MYCT1: variants seen among roughly 807,000 people sequenced by gnomAD.
MYCT1 encodes the protein MYC target 1, also known as myc target protein 1.
Under a neutral mutation model 15.0 loss-of-function variants are expected in MYCT1, and 12 were observed. That is an observed-to-expected ratio of 0.80 (90% confidence interval 0.51 to 1.29). The LOEUF is 1.29. MYCT1 is among the 50% of genes most tolerant of loss of function. The pLI, the probability that MYCT1 is intolerant of heterozygous loss-of-function variation, is 0.00. For synonymous variants in MYCT1, 104 were observed against 102.7 expected, an observed-to-expected ratio of 1.01 and a Z score of -0.07; for missense variants, 287 against 279.1, an observed-to-expected ratio of 1.03 and a Z score of -0.20.
the MYCT1 span, among the ~76,000 whole-genome samples, chr6:152,741,366 A>C: frequency 1.3e-5 from 2 of 152,136 alleles, no homozygotes; most frequent in Admixed American, 1.3e-4. Flanking sequence ...TTCAACATTA[A>C]GATTAAGTAA....
At chr6:152,731,922 T>C in the MYCT1 span, among the ~76,000 whole-genome samples, 1 of 152,124 alleles carries the variant, frequency 6.6e-6, no homozygotes, top group African/African-American at 2.4e-5. Context: ...CCAATTTTTA[T>C]ATTTTTTATA....
At chr6:152,717,040 T>C (rs902849873) in intron 1 of MYCT1, among the ~76,000 whole-genome samples, 5 of 152,184 alleles carry the variant, frequency 3.3e-5, no homozygotes, top group Non-Finnish European at 7.3e-5. Flanking sequence ...CCAAAATACA[T>C]TGTCAAAAGT....
chr6:152,735,070 A>G, the MYCT1 span, among the ~76,000 whole-genome samples: 5 of 152,228 alleles, frequency 3.3e-5, no homozygotes, highest in Admixed American at 6.5e-5. Context: ...TTTATCTCCA[A>G]TGTTTCTAAA....
At chr6:152,726,863 G>C (rs1565397405), downstream of MYCT1, among the ~76,000 whole-genome samples, 1 of 152,164 alleles carries the variant, frequency 6.6e-6, no homozygotes, top group African/African-American at 2.4e-5. Flanking sequence ...CTGCCATGCT[G>C]ATCTGGGGTG....
At chr6:152,700,935 A>T (rs182032617) in intron 1 of MYCT1, among the ~76,000 whole-genome samples, 2 of 152,300 alleles carry the variant, frequency 1.3e-5, no homozygotes, top group Non-Finnish European at 2.9e-5. Flanking sequence ...TCTCAAAAGG[A>T]TTATGCTCTT....
chr6:152,716,819 C>G (rs1016153326), intron 1 of MYCT1, among the ~76,000 whole-genome samples: 2 of 152,032 alleles, frequency 1.3e-5, no homozygotes, highest in African/African-American at 4.8e-5. Context: ...CTTCTGCTTT[C>G]AAAAGGAAAG....
At chr6:152,705,394 G>A (rs990663209) in intron 1 of MYCT1, among the ~76,000 whole-genome samples, 2 of 152,136 alleles carry the variant, frequency 1.3e-5, no homozygotes, top group Admixed American at 1.3e-4. Context: ...GAATGCTTAT[G>A]GCTTTTGCAC....
intron 1 of MYCT1, among the ~76,000 whole-genome samples, chr6:152,720,174 G>A (rs2099724432): frequency 3.3e-5 from 5 of 151,662 alleles, no homozygotes; most frequent in Admixed American, 3.3e-4. Flanking sequence ...GGCAGTAGGG[G>A]TTCCTGGGCC....
At chr6:152,716,301 C>T (rs1171077306) in intron 1 of MYCT1, among the ~76,000 whole-genome samples, 4 of 152,152 alleles carry the variant, frequency 2.6e-5, no homozygotes, top group African/African-American at 9.7e-5. Context: ...TCCCTAAAAG[C>T]CCTTTTCGTC....
the MYCT1 span, among the ~76,000 whole-genome samples, chr6:152,745,509 C>T: frequency 6.6e-6 from 1 of 152,124 alleles, no homozygotes; most frequent in African/African-American, 2.4e-5. Flanking sequence ...AAAGGCAATA[C>T]TTTTCAGATT....
chr6:152,706,063 G>C (rs992842443), intron 1 of MYCT1: 1 of 1,432,198 alleles, frequency 7.0e-7, no homozygotes, highest in African/African-American at 1.4e-5. Context: ...CCTAAAAAAA[G>C]AGAAGGACCC....
chr6:152,726,125 G>A (rs568599505), downstream of MYCT1, among the ~76,000 whole-genome samples: 4 of 152,258 alleles, frequency 2.6e-5, no homozygotes, highest in African/African-American at 7.2e-5. Context: ...GGCCGGGCGC[G>A]GTGGCTCACG....
At chr6:152,732,013 A>G in the MYCT1 span, among the ~76,000 whole-genome samples, 1 of 152,228 alleles carries the variant, frequency 6.6e-6, no homozygotes, top group Non-Finnish European at 1.5e-5. Flanking sequence ...GCAAAAGAAT[A>G]TACAAGTAAG....
downstream of MYCT1, among the ~76,000 whole-genome samples, chr6:152,728,367 G>A (rs2099726019): frequency 6.6e-6 from 1 of 152,096 alleles, no homozygotes. Context: ...GGTATGATGG[G>A]AGTAGCCTAA....
At chr6:152,720,672 G>A (rs2099724542) in intron 1 of MYCT1, among the ~76,000 whole-genome samples, 1 of 152,150 alleles carries the variant, frequency 6.6e-6, no homozygotes, top group South Asian at 2.1e-4. Context: ...CAAATATGTG[G>A]AAAAGCTCAG....
At chr6:152,712,754 C>A (rs962641934) in intron 1 of MYCT1, among the ~76,000 whole-genome samples, 6 of 152,154 alleles carry the variant, frequency 3.9e-5, no homozygotes, top group Non-Finnish European at 7.4e-5. Flanking sequence ...TAAAATATCA[C>A]CGTGTCTTAT....
At position 152,723,454 on chromosome 6, in the gene MYCT1, A is replaced by T. The variant is rs1284398688; in HGVS notation, c.*1201A>T. On this transcript the variant is annotated 3_prime_UTR_variant, in exon 2 of 2. Transcript: ENST00000367245. ...CTTTCTCTGGGGATCTTCTTTTGTA[A>T]CTTTGCAGACAAATAAGTATGAGTC... is the stretch of plus-strand genomic sequence containing the variant. 6.6e-6 allele frequency: 1 copy of T among 152,184 alleles called. No individual in the cohort carries two copies. Among genetic ancestry groups the T allele is most frequent in the African/African-American group, 2.4e-5 (1 of 41,442 alleles). The allele number at this position is 152,184 out of a possible 1,614,324, so 9.4% of individuals were successfully genotyped here.
chr6:152,741,161 T>C, the MYCT1 span, among the ~76,000 whole-genome samples: 1 of 152,202 alleles, frequency 6.6e-6, no homozygotes, highest in Non-Finnish European at 1.5e-5. Flanking sequence ...ACTAACACGT[T>C]TTGACATCGA....
At chr6:152,708,027 A>G (rs1401070192) in intron 1 of MYCT1, among the ~76,000 whole-genome samples, 1 of 151,794 alleles carries the variant, frequency 6.6e-6, no homozygotes, top group Non-Finnish European at 1.5e-5. Flanking sequence ...TGTTTATTGG[A>G]CTTTTAGTTG....
Sources: gnomAD v4.1 joint callset for allele counts (sites outside exome capture counted in the v4.1 genomes callset) on GRCh38, gnomAD v4.1.1 for gene constraint, MANE v1.5 for transcripts, NCBI Gene and HGNC (gene_info 2026-07-23, HGNC 2026-07-21) for gene names.